The following MICAL3 variants were observed in gnomAD, a reference collection of about 807,000 sequenced individuals.
MICAL3 encodes [F-actin]-monooxygenase MICAL3.
In MICAL3, 62 loss-of-function variants were observed where a neutral mutation model predicts 207.4. The ratio of observed to expected loss-of-function variants is 0.30; its 90% confidence interval spans 0.24 to 0.37. The LOEUF (loss-of-function observed/expected upper bound fraction) is 0.37. Ranked by LOEUF, MICAL3 falls within the 10% of genes least tolerant of loss-of-function variation. MICAL3 has a pLI of 1.00. For synonymous variants in MICAL3, 1,077 were observed against 1,069.3 expected (o/e 1.01, Z -0.14); for missense variants, 2,368 against 2,635.6 (o/e 0.90, Z 2.22).
intron 17 of MICAL3, among the ~76,000 whole-genome samples, chr22:17,868,582 G>A (rs1406815517): frequency 6.6e-6 from 1 of 152,216 alleles, no homozygotes; most frequent in Non-Finnish European, 1.5e-5. Context: ...GCTTGCCTCA[G>A]TGGTAAACCC....
chr22:17,951,238 C>T (rs183898708), intron 1 of MICAL3, among the ~76,000 whole-genome samples: 9 of 152,220 alleles, frequency 5.9e-5, no homozygotes, highest in Admixed American at 2.0e-4. Context: ...GTGGTACAGC[C>T]GGGAGCACTG....
At chr22:17,858,826 T>C (rs1275465657) in intron 19 of MICAL3, among the ~76,000 whole-genome samples, 1 of 152,222 alleles carries the variant, frequency 6.6e-6, no homozygotes, top group Non-Finnish European at 1.5e-5. Context: ...CAGGCATCGC[T>C]GTGAACAGCA....
At chr22:17,901,782 A>C in intron 5 of MICAL3, 96 bp downstream of exon 5, 1 of 848,358 alleles carries the variant, frequency 1.2e-6, no homozygotes, top group South Asian at 2.0e-5. Flanking sequence ...GGCTCTCAAA[A>C]GGGTGGACGC....
chr22:17,846,396 T>TAA (rs60481676), intron 19 of MICAL3, among the ~76,000 whole-genome samples: 124 of 149,688 alleles, frequency 8.3e-4, no homozygotes, highest in African/African-American at 2.5e-3. Context: ...CATGGGAAAT[T>TAA]AAAAAAAAAA....
intron 29 of MICAL3, among the ~76,000 whole-genome samples, chr22:17,794,377 G>A (rs1394568917): frequency 1.3e-5 from 2 of 152,264 alleles, no homozygotes; most frequent in African/African-American, 4.8e-5. Flanking sequence ...AATCCTCTAA[G>A]ATGTCACCAC....
In MICAL3 at chr22:17,936,176, CA is replaced by C. The variant is rs562472171; in HGVS notation, c.-74-29291del. Among the ~76,000 whole-genome samples the C allele has an allele frequency of 4.5e-3, 692 of 152,260 alleles. 4 individuals are homozygous for C. Among genetic ancestry groups the C allele is most frequent in the Non-Finnish European group, 7.2e-3 (490 of 68,008 alleles). Reference sequence around the variant, plus strand: ...CAATAGCAAAGACTTGGAACCAACCCAAATGTCCATCAATTATAGACTGGAT... The same window carrying C: ...CAATAGCAAAGACTTGGAACCAACCCAATGTCCATCAATTATAGACTGGAT... On this transcript the variant is annotated intron_variant, in intron 1 of 31. Coordinates refer to ENST00000441493, the MANE Select transcript of MICAL3 (RefSeq NM_015241.3).
rs766615188 is a variant in MICAL3, at chr22:17,887,249, G to C, written c.2005-17C>G. ...CTTTTTATCCTGTACCAAGGGAGGAGGGAAACTGCATTATTCTAGCCATAC... is the reference window on the plus strand; with the variant it reads ...CTTTTTATCCTGTACCAAGGGAGGACGGAAACTGCATTATTCTAGCCATAC... On this transcript the variant is annotated splice_polypyrimidine_tract_variant and intron_variant, in intron 14 of 31. Coordinates refer to ENST00000441493, the MANE Select transcript of MICAL3 (RefSeq NM_015241.3). 2 of 1,612,904 alleles carry C rather than the reference G, an allele frequency of 1.2e-6. No individual in the cohort carries two copies. Among genetic ancestry groups the C allele is most frequent in the Non-Finnish European group, 1.7e-6 (2 of 1,179,224 alleles).
At position 17,885,769 on chromosome 22, in the gene MICAL3, C is replaced by G. The variant is rs1185678518; in HGVS notation, c.2241+109G>C. 3.4e-6 allele frequency: 4 copies of G among 1,161,496 alleles called. No homozygotes were observed. The African/African-American group carries it at 4.5e-5, about 13-fold the overall frequency. 71.9% of individuals were successfully genotyped at this position (1,161,496 alleles called of 1,614,324 possible). On this transcript the variant is annotated intron_variant, in intron 16 of 31. Transcript: ENST00000441493. Reference sequence around the variant, plus strand: ...AGGCGAGGGAAAGCCAGATGCCAGCCCACGAACGCTGGGGTCTGTGACACA... The same window carrying G: ...AGGCGAGGGAAAGCCAGATGCCAGCGCACGAACGCTGGGGTCTGTGACACA...
intron 19 of MICAL3, among the ~76,000 whole-genome samples, chr22:17,844,023 AT>A (rs1446186551): frequency 2.6e-5 from 4 of 152,026 alleles, no homozygotes; most frequent in Non-Finnish European, 5.9e-5. Context: ...GTTTTTTTGT[AT>A]TTTTAGTAGA....
intron 1 of MICAL3, among the ~76,000 whole-genome samples, chr22:17,953,332 T>C (rs1304065332): frequency 6.6e-6 from 1 of 152,110 alleles, no homozygotes; most frequent in East Asian, 1.9e-4. Context: ...TCCCAGCTAA[T>C]GGATGATCGC....
Position 17,818,751 on chromosome 22 carries a change from T to C in MICAL3, c.3910A>G (p.Thr1304Ala), listed in dbSNP as rs763098906. The C allele has an allele frequency of 5.6e-6, 9 of 1,602,498 alleles. No homozygotes were observed. In the African/African-American group the frequency reaches 1.2e-4, roughly 21 times the overall value. ...APLPVQSQSD[T>A]KDRLGSPLAV... The stretch of plus-strand genomic sequence containing the variant: ...AGGGGGCTGCCCAGTCTGTCCTTGG[T>C]GTCACTTTGGCTTTGGACAGGGAGA... Residue 1304 changes from threonine (T) to alanine (A), a missense_variant, in exon 26 of 32, where the codon ACC becomes GCC. Coordinates refer to ENST00000441493, the MANE Select transcript of MICAL3 (RefSeq NM_015241.3).
At chr22:17,969,535 C>CCTTCCTT (rs201951965) in intron 1 of MICAL3, among the ~76,000 whole-genome samples, 3 of 151,944 alleles carry the variant, frequency 2.0e-5, no homozygotes, top group African/African-American at 7.3e-5. Context: ...TTTTTCTCTT[C>CCTTCCTT]CTTCCTTCTT....
chr22:17,928,954 C>G (rs1211818806), intron 1 of MICAL3, among the ~76,000 whole-genome samples: 1 of 152,276 alleles, frequency 6.6e-6, no homozygotes, highest in South Asian at 2.1e-4. Context: ...GCCACCACGC[C>G]TGGCTAATTT....
chr22:18,017,680 G>C (rs1924150337), intron 1 of MICAL3, among the ~76,000 whole-genome samples: 1 of 151,430 alleles, frequency 6.6e-6, no homozygotes, highest in East Asian at 1.9e-4. Context: ...CTGCCTCCCG[G>C]GTTCAAGTGA....
At position 17,801,148 on chromosome 22, in the gene MICAL3, CTTTTTT is replaced by C. The variant is rs978301664; in HGVS notation, c.5650+7690_5650+7695del. On this transcript the variant is annotated intron_variant, in intron 29 of 31. Coordinates refer to ENST00000441493, the MANE Select transcript of MICAL3 (RefSeq NM_015241.3). The stretch of plus-strand genomic sequence containing the variant: ...ACAAGGCATCCTGAGTTTCCTTTTT[CTTTTTT>C]TTTTTTTTTTTTTTTTGAGACGGAG... Among the ~76,000 whole-genome samples, 634 of 91,878 alleles carry C rather than the reference CTTTTTT, an allele frequency of 6.9e-3. 134 individuals carry two copies. Among genetic ancestry groups the C allele is most frequent in the African/African-American group, 0.039 (585 of 15,032 alleles). 60.3% of individuals were successfully genotyped at this position (91,878 alleles called of 152,430 possible).
intron 20 of MICAL3, among the ~76,000 whole-genome samples, chr22:17,837,517 C>A (rs1355701233): frequency 6.6e-6 from 1 of 152,244 alleles, no homozygotes; most frequent in African/African-American, 2.4e-5. Flanking sequence ...GCACATTCTT[C>A]CAGAAAGGAA....
intron 29 of MICAL3, among the ~76,000 whole-genome samples, chr22:17,801,591 G>A (rs1319945641): frequency 6.6e-6 from 1 of 152,052 alleles, no homozygotes; most frequent in Non-Finnish European, 1.5e-5. Flanking sequence ...GCAAGGGCGG[G>A]TAAAGAAAGC....
chr22:17,924,025 G>C (rs561138749), intron 1 of MICAL3, among the ~76,000 whole-genome samples: 93 of 152,292 alleles, frequency 6.1e-4, no homozygotes, highest in Admixed American at 9.8e-4. Context: ...CACGAAGAGG[G>C]AGAGAAGCCC....
rs189356150 is a variant in MICAL3 at position 17,815,838 on chromosome 22, G to A, written c.5445+852C>T. 2.6e-4 allele frequency among the ~76,000 whole-genome samples: 39 copies of A among 152,350 alleles called. No homozygotes were observed. In the East Asian group the frequency reaches 6.2e-3, roughly 24 times the overall value. On this transcript the variant is annotated intron_variant, in intron 27 of 31. Transcript: ENST00000441493. ...CATCTTCACCAAATGGGCACGTGAC[G>A]GGCTCAGGCGCACCAAGGCCCGCCC...
Sources: gnomAD v4.1 joint callset for allele counts (sites outside exome capture counted in the v4.1 genomes callset) on GRCh38, gnomAD v4.1.1 for gene constraint, MANE v1.5 for transcripts, NCBI Gene and HGNC (gene_info 2026-07-23, HGNC 2026-07-21) for gene names.